CEP95: variants seen among roughly 807,000 people sequenced by gnomAD.
CEP95 encodes centrosomal protein 95.
A neutral mutation model predicts 111.2 loss-of-function variants in CEP95; 98 were observed. The ratio of observed to expected loss-of-function variants is 0.88; its 90% CI spans 0.75 to 1.04. The LOEUF (loss-of-function observed/expected upper bound fraction) is 1.04. Among genes scored for constraint, CEP95 ranks in the 50% least tolerant of loss-of-function variants. The pLI, the probability that CEP95 is intolerant of heterozygous loss-of-function variation, is 0.00. For missense variants in CEP95, 1,027 were observed against 977.2 expected, an observed-to-expected ratio of 1.05 and a Z score of -0.68; for synonymous variants, 323 against 327.1, an observed-to-expected ratio of 0.99 and a Z score of 0.14.
chr17:64,527,864 G>GTA (rs1241845474), intron 11 of CEP95, among the ~76,000 whole-genome samples: 19 of 131,790 alleles, frequency 1.4e-4, no homozygotes, highest in African/African-American at 5.7e-4. Context: ...GTGTGTGTGT[G>GTA]TGTGTGTATA....
At position 64,529,391 on chromosome 17, in the gene CEP95, G is replaced by A; in HGVS notation, c.1410G>A (p.Lys470=). The change falls in exon 12 of 20, where the codon AAG becomes AAA. Residue 470 remains lysine, a synonymous_variant. Transcript: ENST00000556440. ...QFHLERKRQR[K]PRETDVRQFQ... ...ACTTGGAGAGAAAAAGGCAGCGCAA[G>A]CCAAGAGAAACAGATGTCCGCCAAT... is the stretch of plus-strand genomic sequence containing the variant. 3 of 1,613,856 alleles carry A rather than the reference G, an allele frequency of 1.9e-6. No homozygotes were observed. The highest frequency in any genetic ancestry group is 3.3e-4 in the Middle Eastern group (2 of 6,058).
chr17:64,533,855 G>C (rs1327743186), intron 16 of CEP95, among the ~76,000 whole-genome samples: 2 of 152,140 alleles, frequency 1.3e-5, no homozygotes, highest in Non-Finnish European at 2.9e-5. Flanking sequence ...GCTGAACTTA[G>C]TGCTGTTTGC....
Position 64,516,695 on chromosome 17 carries a change from T to C in CEP95, c.368-28T>C, listed in dbSNP as rs782769008. 5 of 1,404,222 alleles carry C rather than the reference T, an allele frequency of 3.6e-6. No homozygotes were observed. The South Asian group carries it at 6.1e-5, about 17-fold the overall frequency. 87.0% of individuals were successfully genotyped at this position (1,404,222 alleles called of 1,614,324 possible). A position where few individuals can be genotyped will look rare whatever the true frequency, so the allele number is the denominator to read the frequency against. On this transcript the variant is annotated intron_variant, in intron 4 of 19. Coordinates refer to ENST00000556440, the MANE Select transcript of CEP95 (RefSeq NM_138363.3). ...AAGTAGTATTCACTTAGGGGTTTTT[T>C]GGTATTGTTTTTATCTGTTCTGAAC... is the stretch of plus-strand genomic sequence containing the variant.
At chr17:64,518,302 ATACT>A (rs1967033878) in intron 5 of CEP95, among the ~76,000 whole-genome samples, 1 of 152,240 alleles carries the variant, frequency 6.6e-6, no homozygotes, top group East Asian at 1.9e-4. Flanking sequence ...CAAAAACGTG[ATACT>A]TAATGTTTAT....
chr17:64,525,546 A>G (rs749420439), intron 8 of CEP95, among the ~76,000 whole-genome samples: 1 of 152,158 alleles, frequency 6.6e-6, no homozygotes, highest in African/African-American at 2.4e-5. Context: ...TTTTATTTGA[A>G]TGGCATCCTG....
At chr17:64,510,418 T>C in intron 3 of CEP95, 138 bp downstream of exon 3, 1 of 627,756 alleles carries the variant, frequency 1.6e-6, no homozygotes, top group Non-Finnish European at 2.9e-6. Flanking sequence ...GACAATCAAC[T>C]GATAGAGGTC....
intron 4 of CEP95, 67 bp from the exon 5 acceptor site, chr17:64,516,656 C>A: frequency 1.0e-6 from 1 of 952,938 alleles, no homozygotes; most frequent in Non-Finnish European, 1.6e-6. Flanking sequence ...CTTTCCCTGC[C>A]TCTTACATAG....
intron 11 of CEP95, among the ~76,000 whole-genome samples, chr17:64,528,243 G>A (rs1277478374): frequency 6.6e-6 from 1 of 151,974 alleles, no homozygotes; most frequent in Admixed American, 6.6e-5. Context: ...ATCTACTTTG[G>A]TCATCCATTG....
intron 2 of CEP95, among the ~76,000 whole-genome samples, chr17:64,509,285 A>G (rs1053387929): frequency 8.5e-5 from 13 of 152,152 alleles, no homozygotes; most frequent in African/African-American, 2.4e-4. Context: ...CCTCCCGTCT[A>G]CCTCCCAAAG....
chr17:64,523,915 A>G (rs2144460362), intron 8 of CEP95, among the ~76,000 whole-genome samples: 1 of 152,370 alleles, frequency 6.6e-6, no homozygotes, highest in East Asian at 1.9e-4. Flanking sequence ...ATAAAATAAG[A>G]AAAACAACAG....
intron 6 of CEP95, among the ~76,000 whole-genome samples, chr17:64,521,043 G>C (rs1166561925): frequency 6.6e-6 from 1 of 152,078 alleles, no homozygotes; most frequent in African/African-American, 2.4e-5. Flanking sequence ...AGGAGTTCGA[G>C]ACCAGCCTGG....
chr17:64,520,877 A>G (rs1441866793), intron 6 of CEP95, among the ~76,000 whole-genome samples: 3 of 152,194 alleles, frequency 2.0e-5, no homozygotes, highest in African/African-American at 2.4e-5. Context: ...ATTGTATGAA[A>G]CTTTGCTTTT....
chr17:64,529,200 C>G, intron 11 of CEP95, 88 bp from the exon 12 acceptor site: 1 of 1,228,676 alleles, frequency 8.1e-7, no homozygotes, highest in Non-Finnish European at 1.1e-6. Context: ...TCATCAGTCT[C>G]TTTGGATTTA....
At chr17:64,530,542 C>G (rs1555680049) in intron 12 of CEP95, among the ~76,000 whole-genome samples, 1 of 135,484 alleles carries the variant, frequency 7.4e-6, no homozygotes, top group South Asian at 2.3e-4. Context: ...GAGATTCACT[C>G]TTGCCGCCCA....
In CEP95 at chr17:64,529,438, A is replaced by G. The variant is rs782682961; in HGVS notation, c.1446+11A>G. ...CAATTCCAAGCACAGGTTCTTCCCC[A>G]TCTCTTGACTACCATTAAGCAGCAG... On this transcript the variant is annotated intron_variant, in intron 12 of 19. Coordinates refer to ENST00000556440, the MANE Select transcript of CEP95 (RefSeq NM_138363.3). 8.7e-6 allele frequency: 14 copies of G among 1,612,922 alleles called. No individual in the cohort carries two copies. The highest frequency in any genetic ancestry group is 1.2e-5 in the Non-Finnish European group (14 of 1,179,328).
At chr17:64,537,302 T>G (rs1555681809) in intron 19 of CEP95, 190 bp downstream of exon 19, 2 of 1,410,126 alleles carry the variant, frequency 1.4e-6, no homozygotes, top group Non-Finnish European at 9.3e-7. Context: ...ATGATGCATT[T>G]CTTGGAACAT....
intron 11 of CEP95, among the ~76,000 whole-genome samples, chr17:64,528,442 A>G (rs557265892): frequency 6.4e-4 from 98 of 152,294 alleles, no homozygotes; most frequent in African/African-American, 2.3e-3. Context: ...TACACATGGT[A>G]TCCTATTGTG....
intron 14 of CEP95, 29 bp downstream of exon 14, chr17:64,532,051 A>G (rs782449281): frequency 6.6e-7 from 1 of 1,522,470 alleles, no homozygotes; most frequent in South Asian, 1.3e-5. Context: ...TACTTTATGG[A>G]AAACTGGCAA....
intron 1 of CEP95, chr17:64,508,291 C>T: frequency 2.0e-6 from 2 of 988,624 alleles, no homozygotes; most frequent in African/African-American, 3.5e-5. Flanking sequence ...TAAAAACACC[C>T]ATGTAAGGCT....
Sources: gnomAD v4.1 joint callset for allele counts (sites outside exome capture counted in the v4.1 genomes callset) on GRCh38, gnomAD v4.1.1 for gene constraint, MANE v1.5 for transcripts, NCBI Gene and HGNC (gene_info 2026-07-23, HGNC 2026-07-21) for gene names.